The following DYNC1I1 variants were observed in gnomAD, a reference collection of about 807,000 sequenced individuals.
DYNC1I1 encodes the protein dynein cytoplasmic 1 intermediate chain 1.
DYNC1I1 carries 43 observed loss-of-function variants against 86.6 expected under a neutral mutation model. That is an observed-to-expected ratio of 0.50 (90% confidence interval 0.39 to 0.64). The LOEUF (loss-of-function observed/expected upper bound fraction) is 0.64, where lower values mean the gene tolerates loss of function less well. Ranked by LOEUF, DYNC1I1 falls within the 30% of genes least tolerant of loss-of-function variation. The pLI is 0.00. For missense variants in DYNC1I1, 604 were observed against 788.8 expected (o/e 0.77, Z 2.81); for synonymous variants, 262 against 283.7 (o/e 0.92, Z 0.77).
intron 2 of DYNC1I1, among the ~76,000 whole-genome samples, chr7:95,809,534 A>G (rs1794780419): frequency 6.6e-6 from 1 of 152,182 alleles, no homozygotes; most frequent in Non-Finnish European, 1.5e-5. Flanking sequence ...ATCTTAAGTA[A>G]TAACTGTATT....
chr7:95,969,966 C>T (rs1453443478), intron 6 of DYNC1I1, among the ~76,000 whole-genome samples: 2 of 152,088 alleles, frequency 1.3e-5, no homozygotes, highest in Admixed American at 6.6e-5. Context: ...CAAAATATGT[C>T]TTTCCTGCAT....
chr7:96,059,643 G>A (rs1429124960), intron 14 of DYNC1I1, among the ~76,000 whole-genome samples: 1 of 152,182 alleles, frequency 6.6e-6, no homozygotes, highest in Non-Finnish European at 1.5e-5. Flanking sequence ...GAGTGATGGG[G>A]GTTTGGAAGA....
At chr7:95,782,939 G>A (rs1464241399) in intron 1 of DYNC1I1, among the ~76,000 whole-genome samples, 1 of 152,088 alleles carries the variant, frequency 6.6e-6, no homozygotes, top group African/African-American at 2.4e-5. Flanking sequence ...TCCTTCTCTG[G>A]TGCTCCTCTC....
intron 6 of DYNC1I1, among the ~76,000 whole-genome samples, chr7:95,884,334 T>C (rs1334836144): frequency 2.0e-5 from 3 of 151,830 alleles, no homozygotes; most frequent in Non-Finnish European, 4.4e-5. Flanking sequence ...TGAGCTCAGA[T>C]TGGAGGAGCT....
intron 10 of DYNC1I1, among the ~76,000 whole-genome samples, chr7:96,015,314 A>G (rs1794373963): frequency 6.6e-6 from 1 of 152,172 alleles, no homozygotes; most frequent in Non-Finnish European, 1.5e-5. Flanking sequence ...TATCTCCCAT[A>G]TAAATTCAAT....
downstream of DYNC1I1, among the ~76,000 whole-genome samples, chr7:96,101,134 C>T (rs1458793397): frequency 6.6e-6 from 1 of 152,046 alleles, no homozygotes; most frequent in Non-Finnish European, 1.5e-5. Context: ...GCCACAACTG[C>T]CATAATGACC....
At chr7:95,974,349 C>T (rs570590435) in intron 6 of DYNC1I1, among the ~76,000 whole-genome samples, 2 of 152,320 alleles carry the variant, frequency 1.3e-5, no homozygotes, top group South Asian at 4.1e-4. Context: ...ATTTGTTAGA[C>T]TCTAAGGCAA....
Position 95,954,155 on chromosome 7 carries a change from A to G in DYNC1I1, c.491-23357A>G, listed in dbSNP as rs555373992. On this transcript the variant is annotated intron_variant, in intron 6 of 16. Transcript: ENST00000447467. Reference sequence around the variant, plus strand: ...GTATAGGCCTTGTGGATTCAAAAGCATTGTCATTCTCAAAACAGGCAATTC... The same window carrying G: ...GTATAGGCCTTGTGGATTCAAAAGCGTTGTCATTCTCAAAACAGGCAATTC... Among the ~76,000 whole-genome samples the G allele has an allele frequency of 4.6e-5, 7 of 151,998 alleles. No individual in the cohort carries two copies. The East Asian group carries it at 1.4e-3, about 29-fold the overall frequency.
intron 16 of DYNC1I1, among the ~76,000 whole-genome samples, chr7:96,087,986 G>A (rs930351455): frequency 6.6e-6 from 1 of 151,968 alleles, no homozygotes; most frequent in East Asian, 1.9e-4. Context: ...TTTCTTCTGG[G>A]AAAAGTGCTT....
At chr7:95,903,820 C>T (rs1791103558) in intron 6 of DYNC1I1, among the ~76,000 whole-genome samples, 1 of 152,098 alleles carries the variant, frequency 6.6e-6, no homozygotes, top group South Asian at 2.1e-4. Context: ...TTAGTAGAAG[C>T]AGAATTTGAA....
intron 6 of DYNC1I1, among the ~76,000 whole-genome samples, chr7:95,891,940 G>A (rs950615819): frequency 6.8e-6 from 1 of 147,082 alleles, no homozygotes; most frequent in Non-Finnish European, 1.5e-5. Flanking sequence ...CATGTTAGTT[G>A]TAAGTTCTGG....
At chr7:95,892,414 C>T (rs1182495183) in intron 6 of DYNC1I1, among the ~76,000 whole-genome samples, 1 of 151,712 alleles carries the variant, frequency 6.6e-6, no homozygotes. Context: ...GGGTTCACGC[C>T]ATTCTCCCGC....
At chr7:95,986,139 G>C (rs1163890448) in intron 8 of DYNC1I1, among the ~76,000 whole-genome samples, 2 of 151,644 alleles carry the variant, frequency 1.3e-5, no homozygotes, top group African/African-American at 4.8e-5. Flanking sequence ...TTACTAATTA[G>C]AGCCCAAATA....
intron 10 of DYNC1I1, among the ~76,000 whole-genome samples, chr7:96,019,062 T>G (rs1355729191): frequency 1.3e-5 from 2 of 152,198 alleles, no homozygotes; most frequent in Admixed American, 6.5e-5. Context: ...TCATTTTAAT[T>G]AACAAGCAAA....
chr7:96,055,885 G>T (rs1413454351), intron 14 of DYNC1I1: 1 of 152,200 alleles, frequency 6.6e-6, no homozygotes, highest in Non-Finnish European at 1.5e-5. Context: ...TGGTGATTAA[G>T]TGGAATAGCT....
chr7:96,102,619 C>T (rs1027876910), downstream of DYNC1I1, among the ~76,000 whole-genome samples: 35 of 152,158 alleles, frequency 2.3e-4, no homozygotes, highest in African/African-American at 8.4e-4. Flanking sequence ...GCATGCACAA[C>T]TTTGGGTGAG....
At chr7:96,034,417 A>C (rs1584266436) in intron 12 of DYNC1I1, among the ~76,000 whole-genome samples, 1 of 152,272 alleles carries the variant, frequency 6.6e-6, no homozygotes, top group East Asian at 1.9e-4. Flanking sequence ...GGTGGCTCTA[A>C]GTCCGTTTGT....
chr7:95,792,614 G>A (rs983026889), intron 1 of DYNC1I1, among the ~76,000 whole-genome samples: 1 of 152,120 alleles, frequency 6.6e-6, no homozygotes, highest in Non-Finnish European at 1.5e-5. Flanking sequence ...GTTTCTTTGG[G>A]TCTTCATTTC....
intron 5 of DYNC1I1, among the ~76,000 whole-genome samples, chr7:95,837,903 A>G (rs1789158617): frequency 6.6e-6 from 1 of 152,196 alleles, no homozygotes. Flanking sequence ...GGTACCTCAG[A>G]TGGAAATGCA....
Sources: allele counts gnomAD v4.1 joint callset (sites outside exome capture counted in the v4.1 genomes callset), GRCh38; gene constraint gnomAD v4.1.1; transcripts MANE v1.5; gene names NCBI Gene and HGNC (gene_info 2026-07-23, HGNC 2026-07-21).